The following BBX variants were observed in gnomAD, a reference collection of about 807,000 sequenced individuals.
BBX encodes HMG box transcription factor BBX.
Under a neutral mutation model 100.2 loss-of-function variants are expected in BBX, and 30 were observed. The observed-to-expected ratio is 0.30, with a 90% confidence interval of 0.22 to 0.41. BBX has a LOEUF of 0.41. Ranked by LOEUF, BBX falls within the 10% of genes least tolerant of loss-of-function variation. The probability of loss-of-function intolerance (pLI) is 1.00; values close to 1 mark genes in which losing one functional copy is unlikely to be tolerated. For synonymous variants in BBX, 376 were observed against 388.1 expected, an observed-to-expected ratio of 0.97 and a Z score of 0.37; for missense variants, 1,023 against 1,129.8, an observed-to-expected ratio of 0.91 and a Z score of 1.35.
chr3:107,537,622 T>C (rs1347252406), intron 2 of BBX, among the ~76,000 whole-genome samples: 1 of 152,250 alleles, frequency 6.6e-6, no homozygotes, highest in Non-Finnish European at 1.5e-5. Flanking sequence ...TCTTGTGGTT[T>C]AGTAAGCCAT....
At chr3:107,799,357 A>G (rs570266882) in intron 16 of BBX, among the ~76,000 whole-genome samples, 5 of 152,292 alleles carry the variant, frequency 3.3e-5, no homozygotes, top group Non-Finnish European at 7.4e-5. Context: ...TGTGGTTCCT[A>G]CTGAAAAATG....
intron 2 of BBX, among the ~76,000 whole-genome samples, chr3:107,586,888 C>G (rs1360208128): frequency 6.6e-6 from 1 of 151,908 alleles, no homozygotes; most frequent in East Asian, 1.9e-4. Context: ...GTAGCTGGGA[C>G]TACAGACGCA....
At chr3:107,662,461 A>G (rs2058501991) in intron 3 of BBX, 1 of 152,178 alleles carries the variant, frequency 6.6e-6, no homozygotes. Flanking sequence ...GAGACTTTCC[A>G]TAAACATAAT....
At chr3:107,536,630 G>C (rs930745098) in intron 2 of BBX, among the ~76,000 whole-genome samples, 1 of 152,058 alleles carries the variant, frequency 6.6e-6, no homozygotes. Flanking sequence ...CTTTCTGCTT[G>C]TTTTCTTGGG....
At chr3:107,758,468 T>TA (rs2065653743) in intron 10 of BBX, among the ~76,000 whole-genome samples, 1 of 152,140 alleles carries the variant, frequency 6.6e-6, no homozygotes, top group Non-Finnish European at 1.5e-5. Flanking sequence ...AGGGGTTGCA[T>TA]AAGGTAGTCC....
intron 3 of BBX, among the ~76,000 whole-genome samples, chr3:107,657,828 C>G (rs1359959197): frequency 1.3e-5 from 2 of 151,964 alleles, no homozygotes; most frequent in African/African-American, 4.8e-5. Context: ...GAGGTAAGAG[C>G]TGAAACTTTG....
intron 2 of BBX, among the ~76,000 whole-genome samples, chr3:107,572,548 G>A (rs1459665465): frequency 6.6e-6 from 1 of 152,040 alleles, no homozygotes; most frequent in Non-Finnish European, 1.5e-5. Flanking sequence ...GTAACATTCT[G>A]ATCGTTAGTA....
At position 107,686,877 on chromosome 3, in the gene BBX, G is replaced by A. The variant is rs144055638; in HGVS notation, c.-9-23575G>A. 7.2e-3 allele frequency among the ~76,000 whole-genome samples: 1,097 copies of A among 152,182 alleles called. 7 individuals are homozygous for A. The highest frequency in any genetic ancestry group is 0.014 in the South Asian group (69 of 4,804). Reference sequence around the variant, plus strand: ...AAGGTGGTTTAGTCCTAACCAACCCGTTAAAGGTCCAGATCTCCTAATTTC... The same window carrying A: ...AAGGTGGTTTAGTCCTAACCAACCCATTAAAGGTCCAGATCTCCTAATTTC... On this transcript the variant is annotated intron_variant, in intron 3 of 17. Transcript: ENST00000325805.
intron 3 of BBX, among the ~76,000 whole-genome samples, chr3:107,661,057 C>G (rs935015174): frequency 8.5e-5 from 13 of 152,106 alleles, no homozygotes; most frequent in South Asian, 4.1e-4. Flanking sequence ...TAAACTAATT[C>G]TAGCCCTTTT....
intron 2 of BBX, among the ~76,000 whole-genome samples, chr3:107,598,450 G>A (rs2053817953): frequency 6.6e-6 from 1 of 152,090 alleles, no homozygotes; most frequent in Admixed American, 6.6e-5. Flanking sequence ...CTAGTACTTT[G>A]GCAAAGCAGA....
At chr3:107,600,610 G>C (rs1489373961) in intron 2 of BBX, among the ~76,000 whole-genome samples, 1 of 152,160 alleles carries the variant, frequency 6.6e-6, no homozygotes, top group Non-Finnish European at 1.5e-5. Context: ...TTCATGAATA[G>C]AATACACTGG....
At chr3:107,778,013 A>G (rs190586860) in intron 12 of BBX, among the ~76,000 whole-genome samples, 272 of 152,242 alleles carry the variant, frequency 1.8e-3, no homozygotes, top group African/African-American at 6.4e-3. Context: ...ATACATGTAT[A>G]TGAGTCTGTA....
At chr3:107,616,785 C>T (rs1021857838) in intron 2 of BBX, among the ~76,000 whole-genome samples, 1 of 151,960 alleles carries the variant, frequency 6.6e-6, no homozygotes, top group Non-Finnish European at 1.5e-5. Flanking sequence ...TATATATCAT[C>T]GATAACTAGC....
At chr3:107,615,490 G>C (rs1010731168) in intron 2 of BBX, among the ~76,000 whole-genome samples, 1 of 152,060 alleles carries the variant, frequency 6.6e-6, no homozygotes, top group Non-Finnish European at 1.5e-5. Context: ...AAAGAGCAAG[G>C]CTGCTCTCTG....
rs1423841509 is a variant in BBX at position 107,772,881 on chromosome 3, A to C, written c.1160A>C (p.Glu387Ala). The C allele has an allele frequency of 6.2e-7, 1 of 1,611,614 alleles. No individual in the cohort carries two copies. Among genetic ancestry groups the C allele is most frequent in the East Asian group, 2.2e-5 (1 of 44,864 alleles). ...GATGACATAATGGCTATAAAAATGG[A>C]AGATCCCAAAGAAATTAGAAAGGAA... is the stretch of plus-strand genomic sequence containing the variant. The part of the protein sequence containing the change: ...QIDDIMAIKM[E>A]DPKEIRKEEL... The change falls in exon 11 of 18, where the codon GAA becomes GCA. Residue 387 changes from glutamate to alanine, a missense_variant. By Grantham distance (107) the Glu-to-Ala change is moderately radical. Coordinates refer to ENST00000325805, the MANE Select transcript of BBX (RefSeq NM_001142568.3).
intron 2 of BBX, among the ~76,000 whole-genome samples, chr3:107,566,074 T>C (rs1047830128): frequency 2.0e-5 from 3 of 148,858 alleles, no homozygotes; most frequent in Non-Finnish European, 3.0e-5. Flanking sequence ...ACTTGGGAGA[T>C]TGTGGCAGGA....
At chr3:107,674,609 C>T (rs771655091) in intron 3 of BBX, among the ~76,000 whole-genome samples, 18 of 152,146 alleles carry the variant, frequency 1.2e-4, no homozygotes, top group Non-Finnish European at 2.1e-4. Flanking sequence ...TGCAGCCTGG[C>T]GGCAGCAGTA....
chr3:107,537,307 T>C (rs1460153231), intron 2 of BBX, among the ~76,000 whole-genome samples: 2 of 152,222 alleles, frequency 1.3e-5, no homozygotes, highest in South Asian at 2.1e-4. Flanking sequence ...AAGAGCATTC[T>C]ACATATACCA....
intron 2 of BBX, among the ~76,000 whole-genome samples, chr3:107,644,383 A>G (rs1394888332): frequency 6.6e-6 from 1 of 152,118 alleles, no homozygotes; most frequent in East Asian, 1.9e-4. Context: ...AGATTATACC[A>G]GTTTATTTAC....
Sources: gnomAD v4.1 joint callset for allele counts (sites outside exome capture counted in the v4.1 genomes callset) on GRCh38, gnomAD v4.1.1 for gene constraint, MANE v1.5 for transcripts, NCBI Gene and HGNC (gene_info 2026-07-23, HGNC 2026-07-21) for gene names.